The following COLGALT2 variants were observed in gnomAD, a reference collection of about 807,000 sequenced individuals.
COLGALT2 encodes the protein collagen beta(1-O)galactosyltransferase 2, also known as procollagen galactosyltransferase 2.
In COLGALT2, 49 loss-of-function variants were observed where a neutral mutation model predicts 73.4. The ratio of observed to expected loss-of-function variants is 0.67; its 90% CI spans 0.53 to 0.85. The LOEUF (loss-of-function observed/expected upper bound fraction) is 0.85. COLGALT2 is among the 40% of genes least tolerant of loss of function. The probability of loss-of-function intolerance (pLI) is 0.00; values close to 1 mark genes in which losing one functional copy is unlikely to be tolerated. For missense variants in COLGALT2, 722 were observed against 790.2 expected, an observed-to-expected ratio of 0.91 and a Z score of 1.03; for synonymous variants, 295 against 307.6, an observed-to-expected ratio of 0.96 and a Z score of 0.43.
chr1:183,949,117 G>A lies in COLGALT2; in HGVS notation c.1136+1890C>T, dbSNP rs115592872. Reference sequence around the variant, plus strand: ...TAATAAAAAGACATTCCATGATTACGAATCAGAAGACTTCATATTGTTAAC... The same window carrying A: ...TAATAAAAAGACATTCCATGATTACAAATCAGAAGACTTCATATTGTTAAC... On this transcript the variant is annotated intron_variant, in intron 8 of 11. Transcript: ENST00000361927. Among the ~76,000 whole-genome samples the A allele has an allele frequency of 5.9e-3, 901 of 152,238 alleles. 11 individuals are homozygous for A. The highest frequency in any genetic ancestry group is 0.021 in the African/African-American group (858 of 41,554).
chr1:183,989,321 C>G (rs1671571181), intron 1 of COLGALT2, among the ~76,000 whole-genome samples: 1 of 152,208 alleles, frequency 6.6e-6, no homozygotes. Context: ...GGATGTCCAG[C>G]ACTGCCTCAT....
At chr1:183,968,370 A>G (rs1670936830) in intron 5 of COLGALT2, among the ~76,000 whole-genome samples, 1 of 152,152 alleles carries the variant, frequency 6.6e-6, no homozygotes, top group Admixed American at 6.5e-5. Flanking sequence ...AATGAGAGAA[A>G]TAACTTTCCT....
At chr1:183,970,695 C>T (rs1313608577) in intron 4 of COLGALT2, among the ~76,000 whole-genome samples, 2 of 152,106 alleles carry the variant, frequency 1.3e-5, no homozygotes, top group Non-Finnish European at 2.9e-5. Flanking sequence ...AGTTTTTTCT[C>T]CTGAAAAATG....
chr1:184,008,061 G>T (rs1178493805), intron 1 of COLGALT2, among the ~76,000 whole-genome samples: 2 of 152,182 alleles, frequency 1.3e-5, no homozygotes, highest in Non-Finnish European at 2.9e-5. Flanking sequence ...ATACACTAGA[G>T]AAGTTGGAAA....
chr1:183,966,192 G>A (rs185928829), intron 5 of COLGALT2, among the ~76,000 whole-genome samples: 4 of 152,242 alleles, frequency 2.6e-5, no homozygotes. Context: ...TGGGCAGTTT[G>A]ATAACAGAAA....
At chr1:183,941,518 A>T (rs973011401) in intron 10 of COLGALT2, among the ~76,000 whole-genome samples, 2 of 152,198 alleles carry the variant, frequency 1.3e-5, no homozygotes, top group African/African-American at 4.8e-5. Flanking sequence ...TCTGTGCTCC[A>T]TTACTTTTGT....
intron 1 of COLGALT2, among the ~76,000 whole-genome samples, chr1:183,998,965 C>A (rs992880041): frequency 3.9e-5 from 6 of 152,074 alleles, no homozygotes; most frequent in African/African-American, 1.4e-4. Context: ...ATTGCATTTT[C>A]TCTGTAGATA....
chr1:183,943,430 AG>A (rs1275333911), intron 10 of COLGALT2, among the ~76,000 whole-genome samples: 2 of 152,148 alleles, frequency 1.3e-5, no homozygotes, highest in African/African-American at 4.8e-5. Flanking sequence ...TGTTTTAAAA[AG>A]AAAATGAGAG....
chr1:184,009,562 C>T (rs1487130333), intron 1 of COLGALT2, among the ~76,000 whole-genome samples: 1 of 152,134 alleles, frequency 6.6e-6, no homozygotes, highest in Non-Finnish European at 1.5e-5. Context: ...CCCTTACTTC[C>T]TCTAAACCTC....
rs771226204 is a variant in COLGALT2 at position 183,975,197 on chromosome 1, A to G, written c.392T>C (p.Ile131Thr). The change falls in exon 3 of 12, where the codon ATT (isoleucine) becomes ACT (threonine). Residue 131 changes from isoleucine (I) to threonine (T), a missense_variant. Ile to Thr is a moderately conservative substitution (Grantham distance 89). Coordinates refer to ENST00000361927, the MANE Select transcript of COLGALT2 (RefSeq NM_015101.4). Reference protein sequence around the residue: ...MDEPESYPDEIGPKHWPTSRF... With the variant: ...MDEPESYPDETGPKHWPTSRF... ...GGAGGTTGGCCAGTGCTTTGGTCCA[A>G]TTTCATCAGGGTAAGACCTAAAATA... The G allele has an allele frequency of 8.5e-5, 137 of 1,613,228 alleles. 3 individuals carry two copies. In the South Asian group the frequency reaches 1.5e-3, roughly 17 times the overall value.
intron 1 of COLGALT2, among the ~76,000 whole-genome samples, chr1:184,022,523 A>G (rs1344193866): frequency 6.6e-6 from 1 of 152,214 alleles, no homozygotes; most frequent in Non-Finnish European, 1.5e-5. Flanking sequence ...TCACTCCAAA[A>G]AATCAATTCA....
chr1:183,950,948 C>A, intron 8 of COLGALT2, 59 bp downstream of exon 8: 1 of 1,268,506 alleles, frequency 7.9e-7, no homozygotes, highest in Non-Finnish European at 1.2e-6. Context: ...AACTCTCTGT[C>A]AGAGAAGACA....
At chr1:183,976,805 T>C (rs907705380) in intron 2 of COLGALT2, among the ~76,000 whole-genome samples, 6 of 152,246 alleles carry the variant, frequency 3.9e-5, no homozygotes, top group Middle Eastern at 3.4e-3. Context: ...AAGGATGACA[T>C]AGAATATAAG....
At chr1:183,989,792 T>G (rs115204764) in intron 1 of COLGALT2, among the ~76,000 whole-genome samples, 2,871 of 152,330 alleles carry the variant, frequency 0.019, 70 homozygotes, top group African/African-American at 0.055. Context: ...ACTTGAACTC[T>G]CTGTGCTTTG....
At chr1:183,934,197 C>A (rs1311027105), downstream of COLGALT2, among the ~76,000 whole-genome samples, 3 of 152,242 alleles carry the variant, frequency 2.0e-5, no homozygotes, top group Non-Finnish European at 4.4e-5. Context: ...CTCACCTAAA[C>A]TCCTCTTGCT....
chr1:183,957,344 C>G (rs1247912976), intron 6 of COLGALT2, among the ~76,000 whole-genome samples: 1 of 152,174 alleles, frequency 6.6e-6, no homozygotes, highest in Admixed American at 6.5e-5. Context: ...TACCGGAGCT[C>G]TTAATTCCCA....
chr1:183,930,220 C>T (rs764226295), exon 12 of COLGALT2: 56 of 456,090 alleles, frequency 1.2e-4, no homozygotes, highest in Admixed American at 7.5e-4. Flanking sequence ...CTAGGGTGCA[C>T]GGGTTTGTTC....
chr1:183,948,856 T>C (rs1310904432), intron 8 of COLGALT2, among the ~76,000 whole-genome samples: 3 of 152,140 alleles, frequency 2.0e-5, no homozygotes, highest in Non-Finnish European at 4.4e-5. Flanking sequence ...AAAAGTACTA[T>C]TAGAACTGAT....
At chr1:183,970,032 C>T (rs566333921) in intron 4 of COLGALT2, among the ~76,000 whole-genome samples, 9 of 152,248 alleles carry the variant, frequency 5.9e-5, no homozygotes, top group East Asian at 1.9e-4. Context: ...CAGCAAATAC[C>T]GGCTCCTATT....
Sources: allele counts gnomAD v4.1 joint callset (sites outside exome capture counted in the v4.1 genomes callset), GRCh38; gene constraint gnomAD v4.1.1; transcripts MANE v1.5; gene names NCBI Gene and HGNC (gene_info 2026-07-23, HGNC 2026-07-21).